TMTC2: variants seen among roughly 807,000 people sequenced by gnomAD.
TMTC2 encodes transmembrane O-mannosyltransferase targeting cadherins 2, also known as protein O-mannosyl-transferase TMTC2.
TMTC2 carries 43 observed loss-of-function variants against 82.4 expected under a neutral mutation model. That is an observed-to-expected ratio of 0.52 (90% CI 0.41 to 0.67). TMTC2 has a LOEUF of 0.67. Among genes scored for constraint, TMTC2 ranks in the 30% least tolerant of loss-of-function variants. TMTC2 has a pLI of 0.00. For missense variants in TMTC2, 919 were observed against 1,012.4 expected, an observed-to-expected ratio of 0.91 and a Z score of 1.25; for synonymous variants, 408 against 381.9, an observed-to-expected ratio of 1.07 and a Z score of -0.80.
At chr12:82,952,513 A>G (rs1877400525) in intron 4 of TMTC2, among the ~76,000 whole-genome samples, 1 of 152,110 alleles carries the variant, frequency 6.6e-6, no homozygotes, top group East Asian at 1.9e-4. Context: ...ATATACATAC[A>G]CACACAGACA....
intron 1 of TMTC2, among the ~76,000 whole-genome samples, chr12:82,757,911 A>G (rs375021728): frequency 4.7e-4 from 71 of 152,302 alleles, no homozygotes; most frequent in African/African-American, 1.6e-3. Flanking sequence ...GATAATGACA[A>G]GAGAAGCCCT....
At chr12:82,876,117 G>GAT in intron 2 of TMTC2, among the ~76,000 whole-genome samples, 1 of 147,266 alleles carries the variant, frequency 6.8e-6, no homozygotes, top group African/African-American at 2.5e-5. Flanking sequence ...TGGTGGTGGT[G>GAT]GTGGTATTAG....
At chr12:82,787,875 T>C (rs1316191845) in intron 1 of TMTC2, among the ~76,000 whole-genome samples, 1 of 151,970 alleles carries the variant, frequency 6.6e-6, no homozygotes, top group Non-Finnish European at 1.5e-5. Flanking sequence ...ATCACGCCAA[T>C]GCACTCCAGC....
At chr12:82,935,724 G>T (rs1876281173) in intron 4 of TMTC2, among the ~76,000 whole-genome samples, 1 of 152,224 alleles carries the variant, frequency 6.6e-6, no homozygotes, top group South Asian at 2.1e-4. Context: ...AAATGCAGAT[G>T]AATTTAACAT....
At chr12:82,919,522 G>A (rs995599185) in intron 3 of TMTC2, among the ~76,000 whole-genome samples, 4 of 152,110 alleles carry the variant, frequency 2.6e-5, no homozygotes, top group African/African-American at 9.7e-5. Context: ...AAAGTCCAGA[G>A]TCGTATCTAA....
intron 1 of TMTC2, among the ~76,000 whole-genome samples, chr12:82,781,431 A>G (rs1208799562): frequency 5.3e-5 from 8 of 149,762 alleles, no homozygotes; most frequent in African/African-American, 1.5e-4. Context: ...AGCAGAAAAA[A>G]AATCTACAAG....
At chr12:82,844,897 C>T (rs1161385509) in intron 1 of TMTC2, among the ~76,000 whole-genome samples, 1 of 151,470 alleles carries the variant, frequency 6.6e-6, no homozygotes, top group African/African-American at 2.4e-5. Flanking sequence ...TCATTCCATC[C>T]CTTGAAGTCA....
rs146906007 is a variant in TMTC2 at position 83,010,919 on chromosome 12, C to G, written c.2071-19879C>G. Among the ~76,000 whole-genome samples the G allele has an allele frequency of 2.2e-3, 342 of 152,302 alleles. 2 individuals are homozygous for G. Among genetic ancestry groups the G allele is most frequent in the African/African-American group, 8.0e-3 (331 of 41,562 alleles). ...GTGCGATCTCAGCTCACTGCAACCT[C>G]CACCTCCCAGGTTCAAGTGATTATC... On this transcript the variant is annotated intron_variant, in intron 8 of 11. Transcript: ENST00000321196.
intron 8 of TMTC2, among the ~76,000 whole-genome samples, chr12:83,008,220 T>C (rs1209812966): frequency 6.6e-6 from 1 of 152,222 alleles, no homozygotes; most frequent in East Asian, 1.9e-4. Context: ...TTGAGTTTTT[T>C]GAATCTCTGG....
At chr12:82,831,481 G>A (rs963983675) in intron 1 of TMTC2, among the ~76,000 whole-genome samples, 1 of 152,184 alleles carries the variant, frequency 6.6e-6, no homozygotes, top group Non-Finnish European at 1.5e-5. Flanking sequence ...CATACGGCCT[G>A]GCAGATCATA....
chr12:82,717,482 C>T (rs1320469794), intron 1 of TMTC2, among the ~76,000 whole-genome samples: 1 of 152,024 alleles, frequency 6.6e-6, no homozygotes, highest in East Asian at 1.9e-4. Context: ...CCACCTGCCT[C>T]GGCCTCCCAA....
chr12:82,979,145 A>G (rs559542933), intron 7 of TMTC2, among the ~76,000 whole-genome samples: 185 of 151,416 alleles, frequency 1.2e-3, no homozygotes, highest in African/African-American at 4.3e-3. Context: ...TTAGCCACTC[A>G]ATGTTTTTAT....
At chr12:82,912,842 G>A (rs1458022738) in intron 3 of TMTC2, among the ~76,000 whole-genome samples, 1 of 151,876 alleles carries the variant, frequency 6.6e-6, no homozygotes, top group African/African-American at 2.4e-5. Flanking sequence ...GGGGGCTGAG[G>A]TGGGAGGATC....
At chr12:82,954,901 C>A (rs1028698969) in intron 4 of TMTC2, among the ~76,000 whole-genome samples, 1 of 152,062 alleles carries the variant, frequency 6.6e-6, no homozygotes, top group Non-Finnish European at 1.5e-5. Context: ...TTTAATTTTT[C>A]TTTTACCTTT....
At position 82,880,704 on chromosome 12, in the gene TMTC2, T is replaced by C. The variant is rs11115472; in HGVS notation, c.655-15114T>C. 1.4e-4 allele frequency among the ~76,000 whole-genome samples: 22 copies of C among 152,306 alleles called. No individual in the cohort carries two copies. The East Asian group carries it at 4.1e-3, about 28-fold the overall frequency. On this transcript the variant is annotated intron_variant, in intron 2 of 11. Coordinates refer to ENST00000321196, the MANE Select transcript of TMTC2 (RefSeq NM_152588.3). ...GATCGACAGTTCAGTTAGGGAGAGT[T>C]CACTAAACTACAACTGTTAAAGCAG...
intron 10 of TMTC2, among the ~76,000 whole-genome samples, chr12:83,058,111 A>T (rs565716037): frequency 1.3e-5 from 2 of 151,794 alleles, no homozygotes; most frequent in African/African-American, 2.4e-5. Flanking sequence ...TCCAAAATAT[A>T]CTTTTCTAAA....
At chr12:82,814,835 G>T (rs1429877595) in intron 1 of TMTC2, among the ~76,000 whole-genome samples, 1 of 152,154 alleles carries the variant, frequency 6.6e-6, no homozygotes, top group South Asian at 2.1e-4. Context: ...AAATACTACT[G>T]TAGAATCCAG....
rs141306299 is a variant in TMTC2, at chr12:83,072,317, G to T, written c.2331+10486G>T. 2.7e-4 allele frequency among the ~76,000 whole-genome samples: 41 copies of T among 152,204 alleles called. No individual in the cohort carries two copies. The East Asian group carries it at 7.9e-3, about 29-fold the overall frequency. On this transcript the variant is annotated intron_variant, in intron 11 of 11. Transcript: ENST00000321196. ...TTTCTATATTTGCATGGTTCTGAAG[G>T]TTCCTTTTGGAGTTGATTTCCGGCT...
At chr12:82,708,433 C>A (rs1356480441) in intron 1 of TMTC2, among the ~76,000 whole-genome samples, 1 of 152,302 alleles carries the variant, frequency 6.6e-6, no homozygotes, top group East Asian at 1.9e-4. Context: ...GTGACTTTTG[C>A]AGAACTTGGC....
Sources: gnomAD v4.1 joint callset for allele counts (sites outside exome capture counted in the v4.1 genomes callset) on GRCh38, gnomAD v4.1.1 for gene constraint, MANE v1.5 for transcripts, NCBI Gene and HGNC (gene_info 2026-07-23, HGNC 2026-07-21) for gene names.